CDK14: variants seen among roughly 807,000 people sequenced by gnomAD.
CDK14 encodes cyclin-dependent kinase 14.
In CDK14, 34 loss-of-function variants were observed where a neutral mutation model predicts 60.7. That is an observed-to-expected ratio of 0.56 (90% CI 0.43 to 0.75). The LOEUF (loss-of-function observed/expected upper bound fraction) is 0.75. Among genes scored for constraint, CDK14 ranks in the 30% least tolerant of loss-of-function variants. The pLI is 0.00. For synonymous variants in CDK14, 197 were observed against 203.7 expected, an observed-to-expected ratio of 0.97 and a Z score of 0.28; for missense variants, 482 against 564.1, an observed-to-expected ratio of 0.85 and a Z score of 1.47.
At chr7:90,627,830 G>A (rs774991332) in intron 2 of CDK14, among the ~76,000 whole-genome samples, 2 of 152,210 alleles carry the variant, frequency 1.3e-5, no homozygotes, top group Non-Finnish European at 2.9e-5. Context: ...ACAAGACTCA[G>A]CATTTAGCGA....
intron 14 of CDK14, among the ~76,000 whole-genome samples, chr7:91,157,963 T>A (rs946362294): frequency 6.6e-6 from 1 of 151,898 alleles, no homozygotes; most frequent in African/African-American, 2.4e-5. Context: ...ACGTGCCATC[T>A]GGGATGCCAC....
At chr7:90,983,746 G>A (rs1264983920) in intron 9 of CDK14, among the ~76,000 whole-genome samples, 3 of 151,592 alleles carry the variant, frequency 2.0e-5, no homozygotes, top group Admixed American at 6.6e-5. Context: ...AGGCCATTAT[G>A]CTAAGTGAAT....
intron 8 of CDK14, among the ~76,000 whole-genome samples, chr7:90,942,403 CAAG>C (rs1313086659): frequency 1.3e-5 from 2 of 152,222 alleles, no homozygotes; most frequent in African/African-American, 2.4e-5. Flanking sequence ...AGAAATTTCA[CAAG>C]AAGAAGAAAT....
intron 2 of CDK14, among the ~76,000 whole-genome samples, chr7:90,669,109 A>T (rs1448822730): frequency 6.6e-6 from 1 of 151,876 alleles, no homozygotes; most frequent in African/African-American, 2.4e-5. Context: ...TGTGTACCTC[A>T]TCTGCCATCC....
At chr7:90,796,467 A>T (rs553115741) in intron 5 of CDK14, among the ~76,000 whole-genome samples, 31 of 152,046 alleles carry the variant, frequency 2.0e-4, no homozygotes, top group East Asian at 1.5e-3. Context: ...AGGGCCAGAG[A>T]TAGAAATAGT....
chr7:91,168,280 A>G (rs28371367), intron 14 of CDK14, among the ~76,000 whole-genome samples: 4,372 of 150,086 alleles, frequency 0.029, 140 homozygotes, highest in African/African-American at 0.074. Flanking sequence ...AAAAAAAGAT[A>G]ATTGGGCCAC....
chr7:90,899,297 G>T lies in CDK14; in HGVS notation c.646G>T (p.Asp216Tyr). Residue 216 changes from aspartate (D) to tyrosine (Y), a missense_variant, in exon 7 of 15, where the codon GAT becomes TAT. Physicochemically the swap from Asp to Tyr is radical, Grantham distance 160. Coordinates refer to ENST00000380050, the MANE Select transcript of CDK14 (RefSeq NM_001287135.2). ...TTTTCCTTTTCTTTTCTAGCACACTGATTTATGTCAGTACATGGACAAGCA... is the reference window on the plus strand; with the variant it reads ...TTTTCCTTTTCTTTTCTAGCACACTTATTTATGTCAGTACATGGACAAGCA... Reference protein sequence around the residue: ...LTLVFEYVHTDLCQYMDKHPG... With the variant: ...LTLVFEYVHTYLCQYMDKHPG... 1.2e-6 allele frequency: 2 copies of T among 1,601,930 alleles called. No homozygotes were observed. The highest frequency in any genetic ancestry group is 1.1e-5 in the South Asian group (1 of 88,592).
At chr7:91,056,565 C>G (rs930426852) in intron 11 of CDK14, among the ~76,000 whole-genome samples, 153 of 151,646 alleles carry the variant, frequency 1.0e-3, no homozygotes, top group African/African-American at 3.4e-3. Context: ...CGCCTCCCCC[C>G]ACCCCACAAC....
intron 6 of CDK14, among the ~76,000 whole-genome samples, chr7:90,880,820 C>G (rs1314344195): frequency 6.6e-6 from 1 of 152,064 alleles, no homozygotes; most frequent in African/African-American, 2.4e-5. Flanking sequence ...TGAACTCTAG[C>G]AAACTGTGGC....
chr7:90,729,194 G>C (rs1283456460), intron 3 of CDK14, among the ~76,000 whole-genome samples: 10 of 151,952 alleles, frequency 6.6e-5, no homozygotes, highest in South Asian at 4.2e-4. Context: ...CTGGGGCAAA[G>C]ACCTCCACCT....
chr7:91,177,544 T>A (rs1162212799), intron 14 of CDK14, among the ~76,000 whole-genome samples: 1 of 152,120 alleles, frequency 6.6e-6, no homozygotes, highest in Non-Finnish European at 1.5e-5. Context: ...ACGACATGAT[T>A]GTATATCTAG....
intron 5 of CDK14, among the ~76,000 whole-genome samples, chr7:90,858,993 A>T (rs537235855): frequency 5.2e-4 from 79 of 152,302 alleles, no homozygotes; most frequent in African/African-American, 1.9e-3. Flanking sequence ...TTCTCACTTG[A>T]GTGCTGGTTT....
intron 11 of CDK14, among the ~76,000 whole-genome samples, chr7:91,077,301 G>T (rs1474201614): frequency 6.6e-6 from 1 of 152,150 alleles, no homozygotes; most frequent in African/African-American, 2.4e-5. Flanking sequence ...ATTAACCATG[G>T]AATACTACGT....
At chr7:90,915,170 C>T (rs1240445208) in intron 7 of CDK14, among the ~76,000 whole-genome samples, 1 of 152,146 alleles carries the variant, frequency 6.6e-6, no homozygotes, top group African/African-American at 2.4e-5. Context: ...AGGATAATAG[C>T]TCACGCCTGT....
At chr7:90,697,564 G>A (rs1801684881) in intron 2 of CDK14, among the ~76,000 whole-genome samples, 1 of 152,012 alleles carries the variant, frequency 6.6e-6, no homozygotes, top group Non-Finnish European at 1.5e-5. Context: ...TTAGCTTTTC[G>A]GATGTTACAT....
chr7:91,092,433 C>G (rs1323435742), intron 12 of CDK14, among the ~76,000 whole-genome samples: 1 of 152,182 alleles, frequency 6.6e-6, no homozygotes, highest in East Asian at 1.9e-4. Flanking sequence ...CAGGGCATGA[C>G]AGAGAGAAAT....
intron 5 of CDK14, among the ~76,000 whole-genome samples, chr7:90,846,789 T>A (rs1275168592): frequency 6.6e-6 from 1 of 152,102 alleles, no homozygotes; most frequent in Non-Finnish European, 1.5e-5. Context: ...ATCACCTGAA[T>A]AACCAAAGTG....
intron 4 of CDK14, among the ~76,000 whole-genome samples, chr7:90,758,362 T>A (rs1804169102): frequency 6.6e-6 from 1 of 152,166 alleles, no homozygotes; most frequent in Non-Finnish European, 1.5e-5. Flanking sequence ...TCTCTTCTGG[T>A]TTGGTTTTCT....
intron 12 of CDK14, among the ~76,000 whole-genome samples, chr7:91,089,672 G>A (rs1442309558): frequency 4.0e-5 from 6 of 151,876 alleles, no homozygotes; most frequent in Admixed American, 1.3e-4. Flanking sequence ...GTCTCTGTTA[G>A]AGAAGCCAGA....
Sources: gnomAD v4.1 joint callset for allele counts (sites outside exome capture counted in the v4.1 genomes callset) on GRCh38, gnomAD v4.1.1 for gene constraint, MANE v1.5 for transcripts, NCBI Gene and HGNC (gene_info 2026-07-23, HGNC 2026-07-21) for gene names.